MSH3: variants seen among roughly 807,000 people sequenced by gnomAD.
The protein encoded by MSH3 is mutS homolog 3, also known as DNA mismatch repair protein Msh3.
In MSH3, 106 loss-of-function variants were observed where a neutral mutation model predicts 123.3. That is an observed-to-expected ratio of 0.86 (90% CI 0.73 to 1.01). The LOEUF is 1.01. MSH3 is among the 50% of genes least tolerant of loss of function. The pLI, the probability that MSH3 is intolerant of heterozygous loss-of-function variation, is 0.00. For missense variants in MSH3, 1,459 were observed against 1,347.6 expected (o/e 1.08, Z -1.29); for synonymous variants, 515 against 481.4 (o/e 1.07, Z -0.91).
At chr5:80,842,621 C>T (rs1252924885) in intron 20 of MSH3, among the ~76,000 whole-genome samples, 1 of 152,148 alleles carries the variant, frequency 6.6e-6, no homozygotes, top group Non-Finnish European at 1.5e-5. Flanking sequence ...AGAGGTCTTT[C>T]ACATCCCTTG....
At position 80,731,057 on chromosome 5, in the gene MSH3, C is replaced by T. The variant is rs951694608; in HGVS notation, c.1568+2092C>T. 3.3e-5 allele frequency among the ~76,000 whole-genome samples: 5 copies of T among 151,592 alleles called. No individual in the cohort carries two copies. In the East Asian group the frequency reaches 5.8e-4, roughly 18 times the overall value. ...AGCTGGGATTACAGGTGCACGCCAC[C>T]GCGCCCAGCTAATTTTTTGTATTTT... On this transcript the variant is annotated intron_variant, in intron 10 of 23. Coordinates refer to ENST00000265081, the MANE Select transcript of MSH3 (RefSeq NM_002439.5).
At chr5:80,837,099 T>C (rs1170945149) in intron 20 of MSH3, among the ~76,000 whole-genome samples, 3 of 152,178 alleles carry the variant, frequency 2.0e-5, no homozygotes, top group African/African-American at 7.2e-5. Context: ...TGAATTTTAT[T>C]TTCCAGGCAT....
intron 12 of MSH3, among the ~76,000 whole-genome samples, chr5:80,753,721 C>T (rs1222287726): frequency 6.6e-6 from 1 of 151,936 alleles, no homozygotes; most frequent in East Asian, 1.9e-4. Flanking sequence ...CATGGCCTTT[C>T]CACATTGGGG....
chr5:80,833,515 T>C (rs1019228594), intron 20 of MSH3, among the ~76,000 whole-genome samples: 9 of 152,226 alleles, frequency 5.9e-5, no homozygotes, highest in Non-Finnish European at 8.8e-5. Context: ...CCATCTCGGC[T>C]CACTGCAACC....
intron 18 of MSH3, among the ~76,000 whole-genome samples, chr5:80,789,912 G>T (rs1023288911): frequency 6.6e-6 from 1 of 152,148 alleles, no homozygotes; most frequent in Non-Finnish European, 1.5e-5. Flanking sequence ...TTAGTAATCA[G>T]TGAGTGCAAA....
intron 8 of MSH3, among the ~76,000 whole-genome samples, chr5:80,721,155 A>G (rs1751070900): frequency 6.6e-6 from 1 of 152,204 alleles, no homozygotes; most frequent in Admixed American, 6.5e-5. Flanking sequence ...TTCACAAAAT[A>G]TGATTTTTTG....
intron 14 of MSH3, 118 bp from the exon 15 acceptor site, chr5:80,768,715 ATT>A: frequency 1.2e-6 from 1 of 867,374 alleles, no homozygotes; most frequent in South Asian, 1.7e-5. Context: ...CTTAGTGACA[ATT>A]GGAACCACAT....
Position 80,739,191 on chromosome 5 carries a change from AC to A in MSH3, c.1569-2272del, listed in dbSNP as rs529050215. The stretch of plus-strand genomic sequence containing the variant: ...GACTTAGTTAAACCTAATTGTCAGA[AC>A]AGCGGAAGTAAGGACTCATATCTAA... On this transcript the variant is annotated intron_variant, in intron 10 of 23. Transcript: ENST00000265081. Among the ~76,000 whole-genome samples the A allele has an allele frequency of 1.9e-3, 295 of 152,358 alleles. 1 individual carries two copies. Among genetic ancestry groups the A allele is most frequent in the South Asian group, 6.0e-3 (29 of 4,830 alleles).
chr5:80,761,893 T>G (rs1367364902), intron 13 of MSH3, among the ~76,000 whole-genome samples: 2 of 152,190 alleles, frequency 1.3e-5, no homozygotes, highest in Non-Finnish European at 2.9e-5. Flanking sequence ...CTCATGTGCC[T>G]TAACTACAGC....
chr5:80,687,307 A>G (rs538787020), intron 8 of MSH3, among the ~76,000 whole-genome samples: 24 of 152,364 alleles, frequency 1.6e-4, no homozygotes, highest in Admixed American at 3.9e-4. Flanking sequence ...TATCAATTGC[A>G]GTTAAGGTTG....
intron 20 of MSH3, among the ~76,000 whole-genome samples, chr5:80,826,468 G>C (rs769569031): frequency 4.6e-5 from 7 of 152,072 alleles, no homozygotes; most frequent in Non-Finnish European, 8.8e-5. Flanking sequence ...AATATTCATT[G>C]AGTGCCCACT....
intron 8 of MSH3, among the ~76,000 whole-genome samples, chr5:80,691,849 A>ATATAGATAAACATGTATG (rs1750263852): frequency 9.1e-6 from 1 of 109,500 alleles, no homozygotes; most frequent in Non-Finnish European, 1.8e-5. Context: ...ACATGTATAT[A>ATATAGATAAACATGTATG]TTTATATAGC....
chr5:80,730,449 C>T (rs245332), intron 10 of MSH3, among the ~76,000 whole-genome samples: 36,450 of 151,944 alleles, frequency 0.24, 4,476 homozygotes, highest in Middle Eastern at 0.32. Flanking sequence ...TGGGGATGGA[C>T]GTGGCATAGT....
intron 21 of MSH3, among the ~76,000 whole-genome samples, chr5:80,858,613 T>C (rs561134291): frequency 6.6e-6 from 1 of 152,316 alleles, no homozygotes; most frequent in Admixed American, 6.5e-5. Context: ...TCAACATGTG[T>C]TTTATGGCCC....
intron 20 of MSH3, among the ~76,000 whole-genome samples, chr5:80,847,500 T>G (rs1250004631): frequency 6.6e-6 from 1 of 152,156 alleles, no homozygotes; most frequent in Non-Finnish European, 1.5e-5. Context: ...ATATCCAGAT[T>G]TTAAATTTAA....
intron 20 of MSH3, among the ~76,000 whole-genome samples, chr5:80,844,430 C>G (rs1745681753): frequency 6.6e-6 from 1 of 152,138 alleles, no homozygotes; most frequent in Non-Finnish European, 1.5e-5. Context: ...TGGTCCAGAG[C>G]TGAGTTCAGG....
intron 20 of MSH3, among the ~76,000 whole-genome samples, chr5:80,845,835 G>A (rs1237947156): frequency 1.3e-5 from 2 of 152,106 alleles, no homozygotes; most frequent in African/African-American, 4.8e-5. Flanking sequence ...GCTTCCATGT[G>A]ATGGGTTAGA....
chr5:80,735,036 T>G (rs2112862453), intron 10 of MSH3, among the ~76,000 whole-genome samples: 1 of 152,272 alleles, frequency 6.6e-6, no homozygotes, highest in East Asian at 1.9e-4. Flanking sequence ...AATTGAACAC[T>G]GCACAGAAAG....
At chr5:80,736,776 C>T (rs913675200) in intron 10 of MSH3, among the ~76,000 whole-genome samples, 2 of 152,170 alleles carry the variant, frequency 1.3e-5, no homozygotes, top group Admixed American at 6.5e-5. Context: ...GCATTTCACA[C>T]GTGTTGTTAC....
Sources: gnomAD v4.1 joint callset for allele counts (sites outside exome capture counted in the v4.1 genomes callset) on GRCh38, gnomAD v4.1.1 for gene constraint, MANE v1.5 for transcripts, NCBI Gene and HGNC (gene_info 2026-07-23, HGNC 2026-07-21) for gene names.